The following RSPH10B2 variants were observed in gnomAD, a reference collection of about 807,000 sequenced individuals.
RSPH10B2 encodes radial spoke head 10 homolog B2, also known as radial spoke head 10 homolog B2 (Chlamydomonas).
RSPH10B2 carries 9 observed loss-of-function variants against 49.0 expected under a neutral mutation model. The ratio of observed to expected loss-of-function variants is 0.18; its 90% CI spans 0.11 to 0.32. The LOEUF (loss-of-function observed/expected upper bound fraction) is 0.32. Ranked by LOEUF, RSPH10B2 falls within the 10% of genes least tolerant of loss-of-function variation. RSPH10B2 has a pLI of 1.00. For synonymous variants in RSPH10B2, 35 were observed against 210.2 expected (o/e 0.17, Z 7.21); for missense variants, 95 against 589.9 (o/e 0.16, Z 8.69).
chr7:6,768,212 C>T (rs1280961922), intron 6 of RSPH10B2, among the ~76,000 whole-genome samples: 3 of 152,130 alleles, frequency 2.0e-5, no homozygotes. Flanking sequence ...AGCAAATAAA[C>T]CCCAACATTT....
chr7:6,795,416 A>G (rs1192280120), intron 17 of RSPH10B2, among the ~76,000 whole-genome samples: 13 of 33,670 alleles, frequency 3.9e-4, no homozygotes, highest in Non-Finnish European at 7.5e-4. Context: ...TGGGATACAC[A>G]GCTATCCTTG....
chr7:6,764,392 G>A (rs530824984), intron 4 of RSPH10B2, among the ~76,000 whole-genome samples: 2 of 150,156 alleles, frequency 1.3e-5, no homozygotes, highest in Admixed American at 6.6e-5. Context: ...ATGGAGTCTT[G>A]CTCTGTCGCC....
chr7:6,797,937 G>T (rs1782673376), intron 18 of RSPH10B2, among the ~76,000 whole-genome samples: 1 of 97,584 alleles, frequency 1.0e-5, no homozygotes, highest in African/African-American at 4.6e-5. Context: ...TCAGGAGTTT[G>T]AGACCAGCCT....
At chr7:6,792,233 AAAT>A (rs1336712479) in intron 17 of RSPH10B2, among the ~76,000 whole-genome samples, 1 of 131,540 alleles carries the variant, frequency 7.6e-6, no homozygotes, top group Non-Finnish European at 1.6e-5. Flanking sequence ...CCATCTTTTT[AAAT>A]AATGAGGCTG....
At chr7:6,791,185 T>C (rs1360706011) in intron 16 of RSPH10B2, among the ~76,000 whole-genome samples, 1 of 123,116 alleles carries the variant, frequency 8.1e-6, no homozygotes, top group Admixed American at 8.8e-5. Flanking sequence ...GTGTTGTTAG[T>C]AGAGATGGGG....
intron 1 of RSPH10B2, among the ~76,000 whole-genome samples, chr7:6,758,269 T>G (rs1781144684): frequency 6.7e-6 from 1 of 149,788 alleles, no homozygotes; most frequent in Non-Finnish European, 1.5e-5. Flanking sequence ...CGTAAGCCAC[T>G]GTGCCTGGCC....
intron 5 of RSPH10B2, among the ~76,000 whole-genome samples, 156 bp downstream of exon 7, chr7:6,765,947 G>A (rs1781446882): frequency 9.5e-6 from 1 of 105,496 alleles, no homozygotes; most frequent in Non-Finnish European, 1.9e-5. Flanking sequence ...TTGAGACGGA[G>A]TCTTGTTCTG....
upstream of RSPH10B2, among the ~76,000 whole-genome samples, chr7:6,756,059 G>A (rs1441015600): frequency 2.7e-5 from 4 of 150,702 alleles, no homozygotes; most frequent in South Asian, 2.1e-4. Context: ...ACGAGGTCAG[G>A]AGATCGAGAC....
At chr7:6,793,992 GCTCACCTTTGCTGC>G (rs1562419988) in intron 17 of RSPH10B2, 1 of 152,930 alleles carries the variant, frequency 6.5e-6, no homozygotes, top group African/African-American at 2.4e-5. Context: ...CTGTGTACAT[GCTCACCTTTGCTGC>G]TAGGCATCTT....
intron 1 of RSPH10B2, among the ~76,000 whole-genome samples, chr7:6,758,400 C>T (rs1189532972): frequency 6.8e-6 from 1 of 147,912 alleles, no homozygotes; most frequent in Non-Finnish European, 1.5e-5. Context: ...GTAAGCCCAT[C>T]ACCCAAATAG....
upstream of RSPH10B2, among the ~76,000 whole-genome samples, chr7:6,756,358 A>G (rs1041417699): frequency 2.6e-5 from 3 of 114,852 alleles, no homozygotes; most frequent in African/African-American, 1.3e-4. Context: ...ACACTTTACA[A>G]TGCTGACCTA....
chr7:6,755,797 GA>G (rs2115390428), upstream of RSPH10B2, among the ~76,000 whole-genome samples: 1 of 105,842 alleles, frequency 9.4e-6, no homozygotes, highest in South Asian at 3.6e-4. Flanking sequence ...GCTGAGTATG[GA>G]GGCAGGTGCC....
intron 16 of RSPH10B2, among the ~76,000 whole-genome samples, chr7:6,791,406 T>C (rs1382679024): frequency 1.3e-5 from 2 of 149,674 alleles, no homozygotes; most frequent in Non-Finnish European, 3.0e-5. Context: ...GCCATAATTC[T>C]GTTATTCATT....
At chr7:6,797,296 A>G (rs60841561) in intron 18 of RSPH10B2, among the ~76,000 whole-genome samples, 45,616 of 138,482 alleles carry the variant, frequency 0.33, 4,987 homozygotes, top group East Asian at 0.47. Flanking sequence ...GGGGTGAGTC[A>G]CTGCATGCAG....
chr7:6,791,733 G>A (rs1287941401), intron 16 of RSPH10B2, among the ~76,000 whole-genome samples, 171 bp from the exon 19 acceptor site: 1 of 98,162 alleles, frequency 1.0e-5, no homozygotes, highest in Non-Finnish European at 1.9e-5. Context: ...AACAGAGCAA[G>A]ACTCTGTCTC....
intron 6 of RSPH10B2, among the ~76,000 whole-genome samples, chr7:6,768,072 G>A (rs1781516289): frequency 7.9e-6 from 1 of 126,730 alleles, no homozygotes; most frequent in African/African-American, 3.4e-5. Flanking sequence ...GGTGCCTGTA[G>A]TCCTGGCTAC....
intron 17 of RSPH10B2, among the ~76,000 whole-genome samples, chr7:6,796,281 T>C (rs1782555808): frequency 8.3e-6 from 1 of 120,650 alleles, no homozygotes; most frequent in African/African-American, 3.0e-5. Context: ...GCCACTGCAC[T>C]CCAGCCTGGG....
intron 7 of RSPH10B2, among the ~76,000 whole-genome samples, chr7:6,770,788 C>T (rs1252885135): frequency 2.0e-5 from 3 of 152,160 alleles, no homozygotes; most frequent in Non-Finnish European, 4.4e-5. Flanking sequence ...GCCTGTAGTC[C>T]CAGCTACTCA....
chr7:6,754,377 A>C (rs940676578), upstream of RSPH10B2: 2 of 145,788 alleles, frequency 1.4e-5, no homozygotes, highest in African/African-American at 5.2e-5. Flanking sequence ...GCCTCTCCTT[A>C]AGCCCAGGAG....
Sources: allele counts gnomAD v4.1 joint callset (sites outside exome capture counted in the v4.1 genomes callset), GRCh38; gene constraint gnomAD v4.1.1; transcripts MANE v1.5; gene names NCBI Gene and HGNC (gene_info 2026-07-23, HGNC 2026-07-21).